Variants in SFMBT1 observed in about 807,000 individuals in gnomAD.
SFMBT1 encodes Scm like with four mbt domains 1, also known as scm-like with four MBT domains protein 1.
SFMBT1 carries 32 observed loss-of-function variants against 108.7 expected under a neutral mutation model. The observed-to-expected ratio is 0.29, with a 90% CI of 0.22 to 0.40. The LOEUF is 0.40. SFMBT1 is among the 10% of genes least tolerant of loss of function. The pLI, the probability that SFMBT1 is intolerant of heterozygous loss-of-function variation, is 1.00. For missense variants in SFMBT1, 816 were observed against 1,059.6 expected (o/e 0.77, Z 3.19); for synonymous variants, 348 against 369.5 (o/e 0.94, Z 0.67).
chr3:53,039,611 T>G (rs1032855642), intron 1 of SFMBT1, among the ~76,000 whole-genome samples: 2 of 152,206 alleles, frequency 1.3e-5, no homozygotes, highest in Non-Finnish European at 2.9e-5. Context: ...GTTAAAATGG[T>G]ACAATTCATG....
chr3:52,962,903 G>A (rs563486274), intron 2 of SFMBT1, among the ~76,000 whole-genome samples: 1 of 151,228 alleles, frequency 6.6e-6, no homozygotes, highest in South Asian at 2.1e-4. Context: ...ATGAACAACA[G>A]GAGAATAAAT....
At chr3:52,987,551 G>C (rs1417066076) in intron 1 of SFMBT1, among the ~76,000 whole-genome samples, 2 of 152,134 alleles carry the variant, frequency 1.3e-5, no homozygotes, top group Non-Finnish European at 2.9e-5. Context: ...AAGCAGCAGG[G>C]GCAGCATTTG....
chr3:52,973,005 G>C (rs551849334), intron 1 of SFMBT1, among the ~76,000 whole-genome samples: 1 of 152,182 alleles, frequency 6.6e-6, no homozygotes, highest in East Asian at 1.9e-4. Context: ...ATGGGTGACA[G>C]AGCGAGACTC....
rs562466075 is a variant in SFMBT1 at position 53,031,779 on chromosome 3, G to C, written c.-131+14037C>G. 5.5e-4 allele frequency among the ~76,000 whole-genome samples: 83 copies of C among 152,200 alleles called. 1 individual carries two copies. The highest frequency in any genetic ancestry group is 7.1e-4 in the Non-Finnish European group (48 of 68,012). ...AGCTTACAATAGTAAATGAACACAA[G>C]GAATAATGCATTGGTGTATAGTTTA... On this transcript the variant is annotated intron_variant, in intron 1 of 20. Transcript: ENST00000394752.
At chr3:53,006,762 G>A (rs535762166) in intron 1 of SFMBT1, among the ~76,000 whole-genome samples, 146 of 152,284 alleles carry the variant, frequency 9.6e-4, no homozygotes, top group South Asian at 4.8e-3. Flanking sequence ...CAAACACCAA[G>A]GGAAGACTGT....
intron 9 of SFMBT1, 48 bp from the exon 10 acceptor site, chr3:52,926,161 G>A (rs756986501): frequency 3.6e-5 from 56 of 1,538,454 alleles, no homozygotes; most frequent in South Asian, 2.1e-4. Flanking sequence ...CACCACATAC[G>A]CCTGCCTGGC....
At position 52,994,249 on chromosome 3, in the gene SFMBT1, A is replaced by G. The variant is rs931297094; in HGVS notation, c.-130-24991T>C. Among the ~76,000 whole-genome samples, 4 of 150,482 alleles carry G rather than the reference A, an allele frequency of 2.7e-5. No homozygotes were observed. The Admixed American group carries it at 2.7e-4, about 10-fold the overall frequency. On this transcript the variant is annotated intron_variant, in intron 1 of 20. Transcript: ENST00000394752. The stretch of plus-strand genomic sequence containing the variant: ...GCCATCTGGTCACAAAACAGAAGAT[A>G]AGGACAAGTTTCTTTTTATAAAAGT...
intron 1 of SFMBT1, among the ~76,000 whole-genome samples, chr3:53,034,437 T>C (rs1199497859): frequency 6.6e-6 from 1 of 151,022 alleles, no homozygotes; most frequent in Non-Finnish European, 1.5e-5. Flanking sequence ...ATTAGCTGGG[T>C]GTGGTGGTGC....
Position 53,002,453 on chromosome 3 carries a change from A to G in SFMBT1, c.-130-33195T>C, listed in dbSNP as rs1403623288. Among the ~76,000 whole-genome samples the G allele has an allele frequency of 4.0e-5, 6 of 149,962 alleles. 1 individual carries two copies. The highest frequency in any genetic ancestry group is 9.0e-5 in the Non-Finnish European group (6 of 66,950). On this transcript the variant is annotated intron_variant, in intron 1 of 20. Coordinates refer to ENST00000394752, the MANE Select transcript of SFMBT1 (RefSeq NM_016329.4). ...CCCAGCCCAGTATCTTGAATTAACAAATAAGCAAAACTATCCAGGCCCAAA... is the reference window on the plus strand; with the variant it reads ...CCCAGCCCAGTATCTTGAATTAACAGATAAGCAAAACTATCCAGGCCCAAA...
chr3:53,008,694 G>A (rs568913507), intron 1 of SFMBT1, among the ~76,000 whole-genome samples: 2 of 150,714 alleles, frequency 1.3e-5, no homozygotes, highest in African/African-American at 4.9e-5. Flanking sequence ...GCAGTGGCGC[G>A]ATCTAAGCTC....
At chr3:52,962,608 G>C (rs1703999416) in intron 2 of SFMBT1, among the ~76,000 whole-genome samples, 1 of 151,906 alleles carries the variant, frequency 6.6e-6, no homozygotes, top group African/African-American at 2.4e-5. Flanking sequence ...GAGTTTGAGA[G>C]GAGCCTGGCC....
At chr3:52,919,350 G>A (rs1011875594) in intron 12 of SFMBT1, among the ~76,000 whole-genome samples, 4 of 152,152 alleles carry the variant, frequency 2.6e-5, no homozygotes, top group African/African-American at 9.7e-5. Flanking sequence ...GCTATATAAA[G>A]GAATAAAGAA....
At chr3:52,996,206 CTTTTTTTTT>C (rs35167235) in intron 1 of SFMBT1, among the ~76,000 whole-genome samples, 1 of 88,128 alleles carries the variant, frequency 1.1e-5, no homozygotes, top group Admixed American at 1.6e-4. Flanking sequence ...ATAAACAATC[CTTTTTTTTT>C]TTTTTTTTTT....
intron 1 of SFMBT1, among the ~76,000 whole-genome samples, chr3:53,020,719 C>T (rs1417952628): frequency 6.6e-6 from 1 of 152,144 alleles, no homozygotes. Context: ...AATCTATACC[C>T]AGGCTTCCAC....
chr3:52,926,020 G>A lies in SFMBT1; in HGVS notation c.1131+11C>T, dbSNP rs773590237. 6.2e-6 allele frequency: 10 copies of A among 1,605,820 alleles called. No individual in the cohort carries two copies. The highest frequency in any genetic ancestry group is 6.8e-6 in the Non-Finnish European group (8 of 1,176,942). ...CTGCCATAGTGGCCATGAGGCCGTG[G>A]GGGTCCTCACCGGAGGGAAGCACCT... On this transcript the variant is annotated intron_variant, in intron 10 of 20. Transcript: ENST00000394752.
chr3:53,024,425 G>A (rs1461594650), intron 1 of SFMBT1, among the ~76,000 whole-genome samples: 1 of 152,230 alleles, frequency 6.6e-6, no homozygotes, highest in East Asian at 1.9e-4. Context: ...ATGTGGAACA[G>A]AACAGGCAAT....
At position 52,930,439 on chromosome 3, in the gene SFMBT1, CAG is replaced by C. The variant is rs759954941; in HGVS notation, c.796-11_796-10del. The C allele has an allele frequency of 1.3e-6, 2 of 1,516,278 alleles. No homozygotes were observed. Among genetic ancestry groups the C allele is most frequent in the East Asian group, 4.5e-5 (2 of 44,384 alleles). The allele number at this position is 1,516,278 out of a possible 1,614,324, so 93.9% of individuals were successfully genotyped here. On this transcript the variant is annotated splice_polypyrimidine_tract_variant and intron_variant, in intron 7 of 20. Coordinates refer to ENST00000394752, the MANE Select transcript of SFMBT1 (RefSeq NM_016329.4). ...CCAATAACTTGTTTGTCCTGAAATGCAGACACCAAAAGGGGATGAAAACATAG... is the reference window on the plus strand; with the variant it reads ...CCAATAACTTGTTTGTCCTGAAATGCACACCAAAAGGGGATGAAAACATAG...
intron 4 of SFMBT1, among the ~76,000 whole-genome samples, chr3:52,940,015 C>T (rs1384487344): frequency 6.6e-6 from 1 of 152,000 alleles, no homozygotes; most frequent in Non-Finnish European, 1.5e-5. Flanking sequence ...TTTTATCTGA[C>T]ACAATGTTCA....
At chr3:53,042,480 T>C (rs1354617097) in intron 1 of SFMBT1, among the ~76,000 whole-genome samples, 2 of 152,076 alleles carry the variant, frequency 1.3e-5, no homozygotes, top group African/African-American at 4.8e-5. Context: ...GCTGGGACTA[T>C]AGGTGCCCAC....
Sources: gnomAD v4.1 joint callset for allele counts (sites outside exome capture counted in the v4.1 genomes callset) on GRCh38, gnomAD v4.1.1 for gene constraint, MANE v1.5 for transcripts, NCBI Gene and HGNC (gene_info 2026-07-23, HGNC 2026-07-21) for gene names.